RBFOX1: variants seen among roughly 807,000 people sequenced by gnomAD.
The protein encoded by RBFOX1 is RNA binding fox-1 homolog 1.
Under a neutral mutation model 57.7 loss-of-function variants are expected in RBFOX1, and 8 were observed. That is an observed-to-expected ratio of 0.14 (90% CI 0.08 to 0.25). RBFOX1 has a LOEUF of 0.25. RBFOX1 is among the 10% of genes least tolerant of loss of function. The probability of loss-of-function intolerance (pLI) is 1.00; values close to 1 mark genes in which losing one functional copy is unlikely to be tolerated. For missense variants in RBFOX1, 611 were observed against 548.5 expected, an observed-to-expected ratio of 1.11 and a Z score of -1.14; for synonymous variants, 326 against 222.4, an observed-to-expected ratio of 1.47 and a Z score of -4.15.
In RBFOX1 at chr16:5,873,151, A is replaced by T. The variant is rs146984204; in HGVS notation, c.351+5816A>T. The stretch of plus-strand genomic sequence containing the variant: ...TAGCAACAGAGCAAGACTCCATCTC[A>T]AAACAAAGAAACAAACAACAACAAC... On this transcript the variant is annotated intron_variant, in intron 4 of 19. Transcript: ENST00000641259. Among the ~76,000 whole-genome samples, 338 of 150,332 alleles carry T rather than the reference A, an allele frequency of 2.2e-3. 1 individual carries two copies. Among genetic ancestry groups the T allele is most frequent in the African/African-American group, 6.8e-3 (276 of 40,438 alleles).
At chr16:6,272,876 T>C (rs895365659) in intron 1 of RBFOX1, among the ~76,000 whole-genome samples, 1 of 152,204 alleles carries the variant, frequency 6.6e-6, no homozygotes, top group Non-Finnish European at 1.5e-5. Flanking sequence ...AAACTGGGAA[T>C]TCTTGACCAA....
At chr16:5,398,354 C>T (rs1032036818) in intron 1 of RBFOX1, among the ~76,000 whole-genome samples, 9 of 151,598 alleles carry the variant, frequency 5.9e-5, no homozygotes, top group Admixed American at 5.9e-4. Context: ...GGTGTTTGAG[C>T]ACCTGTTTTA....
intron 1 of RBFOX1, among the ~76,000 whole-genome samples, chr16:5,396,173 T>G (rs796466501): frequency 2.6e-5 from 4 of 152,346 alleles, no homozygotes; most frequent in African/African-American, 7.2e-5. Flanking sequence ...TTAATACTTA[T>G]GCTAAATAGG....
intron 1 of RBFOX1, among the ~76,000 whole-genome samples, chr16:6,266,584 C>T (rs552265985): frequency 8.5e-5 from 13 of 152,056 alleles, no homozygotes; most frequent in Middle Eastern, 3.4e-3. Context: ...CATGGTGGCA[C>T]GCGCCTGTAA....
At chr16:6,846,090 C>G (rs1285781891) in intron 3 of RBFOX1, among the ~76,000 whole-genome samples, 1 of 152,128 alleles carries the variant, frequency 6.6e-6, no homozygotes, top group Non-Finnish European at 1.5e-5. Flanking sequence ...ATTTCTGTAC[C>G]ACTAAAATAT....
intron 3 of RBFOX1, among the ~76,000 whole-genome samples, chr16:6,954,544 T>A (rs1254264509): frequency 6.6e-6 from 1 of 152,180 alleles, no homozygotes; most frequent in Non-Finnish European, 1.5e-5. Context: ...ATGCCAACTG[T>A]CCTCACCTGT....
intron 9 of RBFOX1, among the ~76,000 whole-genome samples, chr16:7,597,773 A>G (rs1012595862): frequency 1.3e-5 from 2 of 152,220 alleles, no homozygotes; most frequent in Non-Finnish European, 1.5e-5. Context: ...TTGCTTTTCA[A>G]TACCATCTGC....
chr16:5,848,147 G>A (rs181049835), intron 3 of RBFOX1, among the ~76,000 whole-genome samples: 144 of 152,196 alleles, frequency 9.5e-4, no homozygotes, highest in African/African-American at 3.3e-3. Context: ...CATACAAACT[G>A]CATGCAGTTT....
At chr16:7,033,756 G>C (rs12932144) in intron 3 of RBFOX1, among the ~76,000 whole-genome samples, 66,288 of 151,966 alleles carry the variant, frequency 0.44, 17,702 homozygotes, top group South Asian at 0.62. Context: ...CACTTTGGGA[G>C]CGTGAGCTGG....
intron 4 of RBFOX1, among the ~76,000 whole-genome samples, chr16:7,458,256 C>G (rs527977641): frequency 6.6e-6 from 1 of 152,108 alleles, no homozygotes; most frequent in East Asian, 1.9e-4. Context: ...AAAGGACCAG[C>G]GTCTAATGAC....
chr16:5,812,915 A>G (rs2055486103), intron 3 of RBFOX1, among the ~76,000 whole-genome samples: 2 of 151,744 alleles, frequency 1.3e-5, no homozygotes. Flanking sequence ...TTCTGCTCAA[A>G]TATTTTGCCC....
At chr16:5,244,234 T>C (rs1259968104) in intron 1 of RBFOX1, among the ~76,000 whole-genome samples, 1 of 152,222 alleles carries the variant, frequency 6.6e-6, no homozygotes, top group Non-Finnish European at 1.5e-5. Flanking sequence ...CACAAAATAC[T>C]TGGGCAATAT....
intron 3 of RBFOX1, among the ~76,000 whole-genome samples, chr16:6,774,749 A>T (rs2079027573): frequency 6.6e-6 from 1 of 152,138 alleles, no homozygotes; most frequent in Non-Finnish European, 1.5e-5. Flanking sequence ...TAATTAGTTC[A>T]ACTGTTGAGT....
chr16:6,807,494 A>G (rs1433596238), intron 3 of RBFOX1, among the ~76,000 whole-genome samples: 3 of 152,008 alleles, frequency 2.0e-5, no homozygotes, highest in Non-Finnish European at 2.9e-5. Flanking sequence ...TGCACTCACT[A>G]ATGGGACTTT....
chr16:6,198,054 A>G (rs1023564278), intron 1 of RBFOX1, among the ~76,000 whole-genome samples: 2 of 152,214 alleles, frequency 1.3e-5, no homozygotes, highest in Non-Finnish European at 2.9e-5. Context: ...GAATTAACTA[A>G]TACTTACCTG....
chr16:5,785,780 G>C (rs1436521674), intron 3 of RBFOX1, among the ~76,000 whole-genome samples: 1 of 152,060 alleles, frequency 6.6e-6, no homozygotes, highest in African/African-American at 2.4e-5. Flanking sequence ...ACATGCCTTG[G>C]CCTCCCAAAG....
At chr16:5,406,443 G>C (rs2066869756) in intron 1 of RBFOX1, among the ~76,000 whole-genome samples, 1 of 152,096 alleles carries the variant, frequency 6.6e-6, no homozygotes, top group South Asian at 2.1e-4. Flanking sequence ...CCCAGACTAG[G>C]ATGTATCCCA....
chr16:5,270,842 G>A, intron 1 of RBFOX1: 1 of 424,174 alleles, frequency 2.4e-6, no homozygotes, highest in Non-Finnish European at 4.5e-6. Context: ...GGTTTGAAAG[G>A]CATGGAGCTT....
chr16:7,052,728 TG>T (rs1265460638), intron 4 of RBFOX1, among the ~76,000 whole-genome samples: 3 of 152,176 alleles, frequency 2.0e-5, no homozygotes, highest in Non-Finnish European at 4.4e-5. Flanking sequence ...TTGGTGACAT[TG>T]TTCTGCTTTC....
Sources: gnomAD v4.1 joint callset for allele counts (sites outside exome capture counted in the v4.1 genomes callset) on GRCh38, gnomAD v4.1.1 for gene constraint, MANE v1.5 for transcripts, NCBI Gene and HGNC (gene_info 2026-07-23, HGNC 2026-07-21) for gene names.